Variants in PLEKHA6 observed in about 807,000 individuals in gnomAD.
The protein encoded by PLEKHA6 is pleckstrin homology domain containing A6.
A neutral mutation model predicts 116.7 loss-of-function variants in PLEKHA6; 60 were observed. That is an observed-to-expected ratio of 0.51 (90% confidence interval 0.42 to 0.64). PLEKHA6 has a LOEUF of 0.64. Ranked by LOEUF, PLEKHA6 falls within the 30% of genes least tolerant of loss-of-function variation. The probability of loss-of-function intolerance (pLI) is 0.00; values close to 1 mark genes in which losing one functional copy is unlikely to be tolerated. For missense variants in PLEKHA6, 1,338 were observed against 1,422.7 expected, an observed-to-expected ratio of 0.94 and a Z score of 0.96; for synonymous variants, 489 against 556.1, an observed-to-expected ratio of 0.88 and a Z score of 1.70.
Position 204,259,380 on chromosome 1 carries a change from G to A in PLEKHA6, c.885C>T (p.His295=), listed in dbSNP as rs751921908. ...FPSQDGETGG[H]RRSFPPRTNP... is the part of the protein sequence containing the mutation. ...TGGTGCGTGGTGGGAAACTCCGCCG[G>A]TGTCCCCCAGTCTCTCCATCCTGAG... Residue 295 remains histidine, a synonymous_variant, in exon 8 of 23, where the codon CAC becomes CAT. Coordinates refer to ENST00000272203, the MANE Select transcript of PLEKHA6 (RefSeq NM_014935.5). The surrounding 1 kb of genome is among the most constrained non-coding windows in gnomAD (Gnocchi z 4.6). 2.5e-6 allele frequency: 4 copies of A among 1,614,236 alleles called. No homozygotes were observed. The highest frequency in any genetic ancestry group is 3.4e-6 in the Non-Finnish European group (4 of 1,180,044).
At chr1:204,239,813 C>A (rs1350223130) in intron 17 of PLEKHA6, among the ~76,000 whole-genome samples, 1 of 152,162 alleles carries the variant, frequency 6.6e-6, no homozygotes, top group Non-Finnish European at 1.5e-5. Context: ...GGTACTTTTT[C>A]TCCCATAGCC....
chr1:204,265,103 CA>C, intron 5 of PLEKHA6, 61 bp from the exon 6 acceptor site: 2 of 1,127,122 alleles, frequency 1.8e-6, no homozygotes, highest in East Asian at 4.7e-5. Context: ...GTGCGTGCGC[CA>C]GGGGTGGGGA....
intron 1 of PLEKHA6, among the ~76,000 whole-genome samples, chr1:204,353,028 T>C (rs940483669): frequency 6.6e-6 from 1 of 152,180 alleles, no homozygotes; most frequent in Non-Finnish European, 1.5e-5. Context: ...TGCAACCTAG[T>C]ACCTGCCTGG....
chr1:204,343,094 C>T (rs1458747981), intron 1 of PLEKHA6, among the ~76,000 whole-genome samples: 1 of 152,158 alleles, frequency 6.6e-6, no homozygotes, highest in Non-Finnish European at 1.5e-5. Context: ...GAGATCTAAG[C>T]CTGACAGCTG....
rs1385022547 is a variant in PLEKHA6, at chr1:204,253,684, C to T, written c.1525-3070G>A. On this transcript the variant is annotated intron_variant, in intron 9 of 22. Transcript: ENST00000272203. ...CTACAAAAAAAAATTTTTTAATTAG[C>T]CAGGTGTGGTGGCTGCACACCTGTC... Among the ~76,000 whole-genome samples the T allele has an allele frequency of 3.9e-5, 6 of 152,068 alleles. No homozygotes were observed. In the East Asian group the frequency reaches 1.2e-3, roughly 29 times the overall value.
intron 1 of PLEKHA6, chr1:204,282,820 A>G (rs1478868778): frequency 1.0e-6 from 1 of 984,958 alleles, no homozygotes; most frequent in Non-Finnish European, 1.2e-6. Flanking sequence ...AGAGAGGGGG[A>G]ATTCAAAGGA....
intron 1 of PLEKHA6, among the ~76,000 whole-genome samples, chr1:204,338,920 T>C (rs182570748): frequency 6.6e-6 from 1 of 152,338 alleles, no homozygotes; most frequent in African/African-American, 2.4e-5. Context: ...GATTCTTTGC[T>C]GTTCCCTCCC....
chr1:204,358,970 C>T (rs1329348980), intron 1 of PLEKHA6, among the ~76,000 whole-genome samples: 1 of 150,694 alleles, frequency 6.6e-6, no homozygotes, highest in Non-Finnish European at 1.5e-5. Flanking sequence ...TTACCCTTCT[C>T]TGGCCAGTCC....
intron 1 of PLEKHA6, among the ~76,000 whole-genome samples, chr1:204,349,017 C>T (rs1673179990): frequency 6.6e-6 from 1 of 152,190 alleles, no homozygotes; most frequent in Non-Finnish European, 1.5e-5. Flanking sequence ...CCCACCCATC[C>T]TTCCCGGCTG....
chr1:204,341,238 G>A (rs114264214), intron 1 of PLEKHA6, among the ~76,000 whole-genome samples: 2,223 of 152,316 alleles, frequency 0.015, 15 homozygotes, highest in African/African-American at 0.022. Context: ...TCCTGGCTTC[G>A]CACTAGAATT....
chr1:204,281,811 A>G (rs1304258528), intron 1 of PLEKHA6, among the ~76,000 whole-genome samples: 2 of 152,028 alleles, frequency 1.3e-5, no homozygotes, highest in Non-Finnish European at 2.9e-5. Context: ...GTTTATTGAA[A>G]TGTTCTAAGC....
At chr1:204,355,292 A>G (rs191996001) in intron 1 of PLEKHA6, among the ~76,000 whole-genome samples, 93 of 152,382 alleles carry the variant, frequency 6.1e-4, no homozygotes, top group Admixed American at 1.4e-3. Flanking sequence ...TATCTTCACA[A>G]GAAGCTTATG....
At chr1:204,326,482 C>T (rs1672248762) in intron 1 of PLEKHA6, among the ~76,000 whole-genome samples, 1 of 152,180 alleles carries the variant, frequency 6.6e-6, no homozygotes, top group Non-Finnish European at 1.5e-5. Context: ...CAAGACTTTG[C>T]ATGGCTGCCC....
intron 1 of PLEKHA6, chr1:204,311,783 T>C (rs1027981100): frequency 3.7e-6 from 2 of 543,246 alleles, no homozygotes; most frequent in Non-Finnish European, 4.7e-6. Flanking sequence ...AAGGGAATCA[T>C]TTTATTTCTT....
intron 10 of PLEKHA6, 53 bp downstream of exon 10, chr1:204,250,493 G>T: frequency 8.0e-7 from 1 of 1,249,698 alleles, no homozygotes; most frequent in Non-Finnish European, 1.2e-6. Context: ...CCCCGCAGAG[G>T]ACAGCAGCAG....
chr1:204,325,954 C>T (rs1291140922), intron 1 of PLEKHA6: 1 of 979,108 alleles, frequency 1.0e-6, no homozygotes, highest in Non-Finnish European at 1.2e-6. Context: ...GGGCTGAACA[C>T]AAAAGGGGCA....
chr1:204,329,679 G>A (rs142902218), intron 1 of PLEKHA6, among the ~76,000 whole-genome samples: 54 of 152,242 alleles, frequency 3.5e-4, no homozygotes, highest in Admixed American at 1.2e-3. Context: ...ACATTTACAG[G>A]AACTACAGGG....
intron 1 of PLEKHA6, chr1:204,311,619 T>G: frequency 1.0e-6 from 1 of 981,586 alleles, no homozygotes; most frequent in Non-Finnish European, 1.2e-6. Context: ...TTTTCAAATA[T>G]TTCTTCCTTC....
At position 204,318,573 on chromosome 1, in the gene PLEKHA6, A is replaced by G. The variant is rs541573020; in HGVS notation, c.-95+41121T>C. On this transcript the variant is annotated intron_variant, in intron 1 of 22. Transcript: ENST00000272203. ...CCTTGTCTGTGACAGAAGTGGCTCC[A>G]TAAGTGTGGCCTCATAGGCACTCGC... Among the ~76,000 whole-genome samples the G allele has an allele frequency of 2.0e-5, 3 of 152,330 alleles. No homozygotes were observed. The East Asian group carries it at 5.8e-4, about 29-fold the overall frequency.
Sources: allele counts gnomAD v4.1 joint callset (sites outside exome capture counted in the v4.1 genomes callset), GRCh38; gene constraint gnomAD v4.1.1; non-coding constraint Gnocchi (gnomAD v3.1); transcripts MANE v1.5; gene names NCBI Gene and HGNC (gene_info 2026-07-23, HGNC 2026-07-21).